Variants in SAMSN1 observed in about 807,000 individuals in gnomAD.
The protein encoded by SAMSN1 is SAM domain-containing protein SAMSN-1.
SAMSN1 carries 31 observed loss-of-function variants against 42.0 expected under a neutral mutation model. That is an observed-to-expected ratio of 0.74 (90% CI 0.55 to 1.00). The LOEUF is 1.00. SAMSN1 is among the 50% of genes least tolerant of loss of function. SAMSN1 has a pLI of 0.00. For synonymous variants in SAMSN1, 178 were observed against 151.9 expected (o/e 1.17, Z -1.26); for missense variants, 464 against 439.4 (o/e 1.06, Z -0.50).
At chr21:14,591,265 A>C (rs544195107) in intron 7 of SAMSN1, 1 of 152,204 alleles carries the variant, frequency 6.6e-6, no homozygotes, top group African/African-American at 2.4e-5. Context: ...ATTAGTTAAT[A>C]AAATCAAATA....
At chr21:14,631,970 G>A (rs576999229) in intron 2 of SAMSN1, among the ~76,000 whole-genome samples, 1 of 152,052 alleles carries the variant, frequency 6.6e-6, no homozygotes, top group Non-Finnish European at 1.5e-5. Context: ...AGGAAGGAAG[G>A]GAAGGAAAAA....
At chr21:14,657,650 A>G (rs1247793850) in intron 1 of SAMSN1, among the ~76,000 whole-genome samples, 1 of 151,846 alleles carries the variant, frequency 6.6e-6, no homozygotes, top group Admixed American at 6.6e-5. Flanking sequence ...TTTTAGATCA[A>G]CTAGAAAAGT....
chr21:14,554,592 T>C lies in SAMSN1; in HGVS notation c.261+27544A>G, dbSNP rs373443150. The stretch of plus-strand genomic sequence containing the variant: ...ATGTCTGGAGATTGTGCTCTCTGGA[T>C]ACATTACTAAAGATCATGGTATGAA... On this transcript the variant is annotated intron_variant, in intron 2 of 8. Coordinates refer to the SAMSN1 transcript ENST00000285670. Among the ~76,000 whole-genome samples, 24 of 152,194 alleles carry C rather than the reference T, an allele frequency of 1.6e-4. No homozygotes were observed. In the East Asian group the frequency reaches 4.4e-3, roughly 28 times the overall value.
chr21:14,494,149 T>C (rs955856595), intron 7 of SAMSN1, among the ~76,000 whole-genome samples: 29 of 152,260 alleles, frequency 1.9e-4, no homozygotes, highest in African/African-American at 6.3e-4. Flanking sequence ...AAAGACAGTG[T>C]GGCGATCCCT....
intron 2 of SAMSN1, among the ~76,000 whole-genome samples, chr21:14,554,386 G>T (rs1366280253): frequency 6.6e-6 from 1 of 152,084 alleles, no homozygotes; most frequent in Non-Finnish European, 1.5e-5. Context: ...TTGGAAAAGT[G>T]CCTGGTACAT....
intron 6 of SAMSN1, among the ~76,000 whole-genome samples, chr21:14,598,898 T>C (rs1982349926): frequency 6.6e-6 from 1 of 152,200 alleles, no homozygotes; most frequent in Non-Finnish European, 1.5e-5. Context: ...TAGGATACTA[T>C]TCATTATTTT....
At chr21:14,521,117 A>T in intron 2 of SAMSN1, 33 bp downstream of exon 2, 1 of 1,330,388 alleles carries the variant, frequency 7.5e-7, no homozygotes, top group South Asian at 1.2e-5. Context: ...ATGTGTTTGC[A>T]TAACATTCAT....
At chr21:14,505,541 A>C (rs1480800406) in intron 5 of SAMSN1, among the ~76,000 whole-genome samples, 1 of 152,252 alleles carries the variant, frequency 6.6e-6, no homozygotes, top group Non-Finnish European at 1.5e-5. Context: ...GTCTAACAGG[A>C]AAATATCACA....
intron 2 of SAMSN1, among the ~76,000 whole-genome samples, chr21:14,577,058 T>TTTC (rs200736868): frequency 0.048 from 6,141 of 128,042 alleles, 334 homozygotes; most frequent in African/African-American, 0.11. Flanking sequence ...CTTTTTTTTT[T>TTTC]TTTTTTTTTT....
At chr21:14,516,421 C>T (rs1249231000) in intron 3 of SAMSN1, among the ~76,000 whole-genome samples, 1 of 151,986 alleles carries the variant, frequency 6.6e-6, no homozygotes, top group Non-Finnish European at 1.5e-5. Context: ...GAGACGCCAT[C>T]TTGCTCTGTT....
chr21:14,512,412 C>T, intron 4 of SAMSN1, 32 bp downstream of exon 4: 1 of 1,608,512 alleles, frequency 6.2e-7, no homozygotes, highest in South Asian at 1.1e-5. Flanking sequence ...GACCTCACAC[C>T]CAGGATCTTG....
chr21:14,612,464 T>A (rs1370262735), intron 4 of SAMSN1: 6 of 290,604 alleles, frequency 2.1e-5, no homozygotes. Context: ...AGAGAAGATT[T>A]GGTGTGTGAA....
At chr21:14,506,378 C>T (rs1987406235) in intron 5 of SAMSN1, among the ~76,000 whole-genome samples, 1 of 151,992 alleles carries the variant, frequency 6.6e-6, no homozygotes, top group Non-Finnish European at 1.5e-5. Flanking sequence ...ACTGACACTA[C>T]AGAAATACAA....
intron 2 of SAMSN1, among the ~76,000 whole-genome samples, chr21:14,624,092 C>T (rs751800316): frequency 2.6e-5 from 4 of 152,100 alleles, no homozygotes; most frequent in Non-Finnish European, 5.9e-5. Context: ...AACAAAGACA[C>T]AACATACCAG....
intron 5 of SAMSN1, among the ~76,000 whole-genome samples, chr21:14,605,082 G>C (rs1178336825): frequency 2.6e-5 from 4 of 152,322 alleles, no homozygotes; most frequent in Admixed American, 6.5e-5. Flanking sequence ...GATTACAAGT[G>C]CCCTTCAAAT....
chr21:14,613,630 A>AT (rs1982765180), intron 3 of SAMSN1, among the ~76,000 whole-genome samples: 1 of 152,036 alleles, frequency 6.6e-6, no homozygotes, highest in South Asian at 2.1e-4. Flanking sequence ...TTTCCTTTTC[A>AT]TTTTTTAATG....
At chr21:14,560,746 C>T (rs1334469199) in intron 2 of SAMSN1, among the ~76,000 whole-genome samples, 2 of 152,174 alleles carry the variant, frequency 1.3e-5, no homozygotes, top group Non-Finnish European at 2.9e-5. Flanking sequence ...CTGTGTCCCT[C>T]TCTTGCTTCA....
chr21:14,510,727 C>T (rs932664894), intron 4 of SAMSN1, among the ~76,000 whole-genome samples: 15 of 152,216 alleles, frequency 9.9e-5, no homozygotes, highest in African/African-American at 3.4e-4. Context: ...TCTCCGTAAT[C>T]GGATCCAGTG....
intron 1 of SAMSN1, among the ~76,000 whole-genome samples, chr21:14,537,180 C>A (rs1979680582): frequency 1.3e-5 from 2 of 152,178 alleles, no homozygotes; most frequent in Non-Finnish European, 2.9e-5. Flanking sequence ...TGCACTCTGC[C>A]CCACTGCTTC....
Sources: gnomAD v4.1 joint callset for allele counts (sites outside exome capture counted in the v4.1 genomes callset) on GRCh38, gnomAD v4.1.1 for gene constraint, MANE v1.5 for transcripts, NCBI Gene and HGNC (gene_info 2026-07-23, HGNC 2026-07-21) for gene names.